ARMCX4: variants seen among roughly 807,000 people sequenced by gnomAD.
The protein encoded by ARMCX4 is armadillo repeat containing X-linked 4, also known as armadillo repeat-containing X-linked protein 4.
A neutral mutation model predicts 34.7 loss-of-function variants in ARMCX4; 3 were observed. The observed-to-expected ratio is 0.09, with a 90% CI of 0.04 to 0.22. The LOEUF (loss-of-function observed/expected upper bound fraction) is 0.22, where lower values mean the gene tolerates loss of function less well. Ranked by LOEUF, ARMCX4 falls within the 10% of genes least tolerant of loss-of-function variation. The probability of loss-of-function intolerance (pLI) is 1.00; values close to 1 mark genes in which losing one functional copy is unlikely to be tolerated. For missense variants in ARMCX4, 1,448 were observed against 1,720.8 expected, an observed-to-expected ratio of 0.84 and a Z score of 2.81; for synonymous variants, 513 against 632.8, an observed-to-expected ratio of 0.81 and a Z score of 2.84.
chrX:101,470,778 A>G (rs1932882823), intron 4 of ARMCX4, among the ~76,000 whole-genome samples: 1 of 112,126 alleles, frequency 8.9e-6, no homozygotes, highest in South Asian at 3.7e-4. Context: ...GCTGATATAA[A>G]CATTCATGTA....
intron 11 of ARMCX4, among the ~76,000 whole-genome samples, chrX:101,515,507 C>G (rs1370856293): frequency 2.3e-5 from 1 of 43,972 alleles, no homozygotes; most frequent in East Asian, 5.9e-4. Context: ...CTCTTTCTTT[C>G]TCTCTCTCTT....
At chrX:101,467,669 G>C (rs192194239) in intron 4 of ARMCX4, among the ~76,000 whole-genome samples, 1 of 110,925 alleles carries the variant, frequency 9.0e-6, no homozygotes, top group Non-Finnish European at 1.9e-5. Flanking sequence ...TTTCATGGTG[G>C]GGGGGGGACG....
chrX:101,515,347 CTTT>C (rs2147706961), intron 11 of ARMCX4, among the ~76,000 whole-genome samples: 2 of 29,033 alleles, frequency 6.9e-5, no homozygotes, highest in Middle Eastern at 0.016. Context: ...CTTTCCTTTT[CTTT>C]CTTTCTTTCT....
rs1556009284 is a variant in ARMCX4, at chrX:101,491,664, G to T, written c.3075G>T (p.Arg1025Ser). Residue 1025 changes from arginine (R) to serine (S), a missense_variant, in exon 6 of 6, where the codon AGG becomes AGT. Arg to Ser is a moderately radical substitution (Grantham distance 110). Around this residue, in one of 2 missense-constraint regions of ARMCX4, gnomAD observed 1,343 missense variants for 1,540.7 expected, o/e 0.87. Coordinates refer to ENST00000423738, the MANE Select transcript of ARMCX4 (RefSeq NM_001256155.3). ...AAGCAGGGACTGGGGCAGGCACAAG[G>T]CACTCTGCCCAGCCTCAGATTGTGG... Reference protein sequence around the residue: ...VPKAGTGAGTRHSAQPQIVAG... With the variant: ...VPKAGTGAGTSHSAQPQIVAG... The T allele has an allele frequency of 3.5e-6, 4 of 1,155,527 alleles. No individual in the cohort carries two copies. The highest frequency in any genetic ancestry group is 2.6e-5 in the Admixed American group (1 of 38,761).
intron 2 of ARMCX4, among the ~76,000 whole-genome samples, chrX:101,432,727 T>C (rs1294120383): frequency 1.1e-5 from 1 of 88,045 alleles, no homozygotes; most frequent in Admixed American, 1.3e-4. Flanking sequence ...TATATGTATA[T>C]ACACATATAT....
downstream of ARMCX4, chrX:101,447,497 G>C (rs1435271653): frequency 1.8e-5 from 2 of 111,767 alleles, no homozygotes; most frequent in Non-Finnish European, 3.8e-5. Context: ...TCTACAGACA[G>C]AGTGGGAGGT....
Position 101,468,866 on chromosome X carries a change from T to A in ARMCX4, c.-472-17157T>A, listed in dbSNP as rs145227536. On this transcript the variant is annotated intron_variant and NMD_transcript_variant, in intron 4 of 15. Transcript: ENST00000433011. ...GGAGAGTATTTTTCATAGGCTTCAG[T>A]TGGGGAAGAAAAAAGCCATAAATAA... Among the ~76,000 whole-genome samples, 25 of 111,191 alleles carry A rather than the reference T, an allele frequency of 2.2e-4. 1 individual carries two copies. In the East Asian group the frequency reaches 5.4e-3, roughly 24 times the overall value.
intron 11 of ARMCX4, among the ~76,000 whole-genome samples, chrX:101,512,108 G>A (rs911735353): frequency 1.8e-5 from 2 of 111,127 alleles, no homozygotes; most frequent in Non-Finnish European, 3.8e-5. Context: ...TGGGCTGGGT[G>A]CGGCCGCTCA....
downstream of ARMCX4, chrX:101,498,438 G>T: frequency 5.9e-6 from 1 of 170,722 alleles, no homozygotes; most frequent in Non-Finnish European, 1.1e-5. Flanking sequence ...CACATTAACT[G>T]GTGCCATGTA....
downstream of ARMCX4, among the ~76,000 whole-genome samples, chrX:101,496,891 G>A (rs1179839590): frequency 8.9e-6 from 1 of 111,826 alleles, no homozygotes; most frequent in Non-Finnish European, 1.9e-5. Flanking sequence ...GAAATAACAC[G>A]TAATTGGCTT....
At chrX:101,448,642 G>C (rs1931789492), downstream of ARMCX4, among the ~76,000 whole-genome samples, 1 of 111,625 alleles carries the variant, frequency 9.0e-6, no homozygotes, top group South Asian at 3.8e-4. Flanking sequence ...GCCCAAGCTG[G>C]AGTGCAGTGG....
In ARMCX4 at chrX:101,493,206, G is replaced by A. The variant is rs1443835783; in HGVS notation, c.4617G>A (p.Thr1539=). The A allele has an allele frequency of 1.2e-4, 134 of 1,153,378 alleles. No homozygotes were observed. Among genetic ancestry groups the A allele is most frequent in the Non-Finnish European group, 1.5e-4 (129 of 872,309 alleles). ...QDVGGSRPGP[T]NQSSAGSWDS... is the part of the protein sequence containing the mutation. Reference sequence around the variant, plus strand: ...TTGGAGGGTCTAGGCCAGGGCCCACGAACCAGTCCAGTGCTGGGTCCTGGG... The same window carrying A: ...TTGGAGGGTCTAGGCCAGGGCCCACAAACCAGTCCAGTGCTGGGTCCTGGG... Residue 1539 remains threonine (T), a synonymous_variant, in exon 6 of 6, where the codon ACG becomes ACA. Coordinates refer to ENST00000423738, the MANE Select transcript of ARMCX4 (RefSeq NM_001256155.3).
intron 4 of ARMCX4, among the ~76,000 whole-genome samples, chrX:101,453,160 G>A (rs934940516): frequency 1.3e-4 from 14 of 110,987 alleles, no homozygotes; most frequent in Admixed American, 3.9e-4. Flanking sequence ...ATTTTGAGAT[G>A]GTGTGCTTTC....
chrX:101,431,022 A>C (rs1194874277), intron 2 of ARMCX4, among the ~76,000 whole-genome samples: 3 of 111,232 alleles, frequency 2.7e-5, no homozygotes, highest in African/African-American at 9.8e-5. Flanking sequence ...AGGCAGCAGC[A>C]TCTTGGAAGG....
Position 101,502,341 on chromosome X carries a change from A to G in ARMCX4, c.*1178-2596A>G, listed in dbSNP as rs139405519. On this transcript the variant is annotated intron_variant and NMD_transcript_variant, in intron 7 of 12. Coordinates refer to the ARMCX4 transcript ENST00000354842. Reference sequence around the variant, plus strand: ...ACTGCAGCCTTGACCTCCTGGCTCAAGTATCCTCCCACCTCAGCCTCCTGA... The same window carrying G: ...ACTGCAGCCTTGACCTCCTGGCTCAGGTATCCTCCCACCTCAGCCTCCTGA... Among the ~76,000 whole-genome samples the G allele has an allele frequency of 1.6e-3, 180 of 112,443 alleles. 1 individual carries two copies. The highest frequency in any genetic ancestry group is 5.5e-3 in the African/African-American group (171 of 31,008).
chrX:101,489,541 G>A lies in ARMCX4; in HGVS notation c.952G>A (p.Ala318Thr). The change falls in exon 6 of 6, where the codon GCT becomes ACT. Residue 318 changes from alanine to threonine, a missense_variant. Physicochemically the swap from Ala to Thr is moderately conservative, Grantham distance 58. Around this residue, in one of 2 missense-constraint regions of ARMCX4, gnomAD observed 1,343 missense variants for 1,540.7 expected, o/e 0.87. Transcript: ENST00000423738. ...GGCAGAGTCTGGGGCAGACACGAGG[G>A]CTTCTGCTCAGCCTCAAATTTTTGC... ...SRAESGADTR[A>T]SAQPQIFAKT... is the part of the protein sequence containing the mutation. 2 of 1,155,540 alleles carry A rather than the reference G, an allele frequency of 1.7e-6. No homozygotes were observed. The highest frequency in any genetic ancestry group is 2.3e-6 in the Non-Finnish European group (2 of 872,865).
chrX:101,457,775 C>G, intron 4 of ARMCX4, among the ~76,000 whole-genome samples: 1 of 110,329 alleles, frequency 9.1e-6, no homozygotes, highest in Non-Finnish European at 1.9e-5. Context: ...CGGAGTCTCA[C>G]TCTGTTGCCC....
intron 2 of ARMCX4, among the ~76,000 whole-genome samples, chrX:101,425,834 T>G (rs1555990903): frequency 9.0e-6 from 1 of 111,153 alleles, no homozygotes; most frequent in Non-Finnish European, 1.9e-5. Flanking sequence ...TTTATTTATT[T>G]TTTTGAGACA....
In ARMCX4 at chrX:101,510,580, G is replaced by T. The variant is rs191078274; in HGVS notation, c.*1750-445G>T. Among the ~76,000 whole-genome samples the T allele has an allele frequency of 9.9e-5, 11 of 111,465 alleles. No individual in the cohort carries two copies. The Admixed American group carries it at 1.1e-3, about 11-fold the overall frequency. On this transcript the variant is annotated intron_variant and NMD_transcript_variant, in intron 10 of 12. Transcript: ENST00000354842. ...TTATTACAGAATACTATTCTCTGAG[G>T]TTGGGGGTTATGTGATGTAAGTTAT...
Sources: gnomAD v4.1 joint callset for allele counts (sites outside exome capture counted in the v4.1 genomes callset) on GRCh38, gnomAD v4.1.1 for gene constraint, gnomAD v4.1.1 regional missense constraint, MANE v1.5 for transcripts, NCBI Gene and HGNC (gene_info 2026-07-23, HGNC 2026-07-21) for gene names.